AGBL4: variants seen among roughly 807,000 people sequenced by gnomAD.
AGBL4 encodes AGBL carboxypeptidase 4.
In AGBL4, 58 loss-of-function variants were observed where a neutral mutation model predicts 66.4. That is an observed-to-expected ratio of 0.87 (90% CI 0.71 to 1.09). AGBL4 has a LOEUF of 1.09. AGBL4 is among the 50% of genes least tolerant of loss of function. AGBL4 has a pLI of 0.00. For missense variants in AGBL4, 579 were observed against 631.0 expected, an observed-to-expected ratio of 0.92 and a Z score of 0.88; for synonymous variants, 234 against 222.9, an observed-to-expected ratio of 1.05 and a Z score of -0.44.
At chr1:49,548,608 G>C (rs1458494880) in intron 3 of AGBL4, among the ~76,000 whole-genome samples, 1 of 152,152 alleles carries the variant, frequency 6.6e-6, no homozygotes, top group African/African-American at 2.4e-5. Context: ...AACCATGCCT[G>C]AATCCCTGGT....
intron 4 of AGBL4, among the ~76,000 whole-genome samples, chr1:49,139,551 G>A (rs1250250131): frequency 6.6e-6 from 1 of 152,112 alleles, no homozygotes; most frequent in African/African-American, 2.4e-5. Flanking sequence ...CAGTTGTATG[G>A]AGGCCATCCA....
At chr1:49,298,385 GCAGAGTTATTACCGT>G (rs1417630043) in intron 3 of AGBL4, among the ~76,000 whole-genome samples, 2 of 152,190 alleles carry the variant, frequency 1.3e-5, no homozygotes, top group African/African-American at 4.8e-5. Context: ...CCCAGCTACT[GCAGAGTTATTACCGT>G]CATCATCTCT....
chr1:49,115,994 C>T (rs766880860), intron 4 of AGBL4, among the ~76,000 whole-genome samples: 3 of 152,086 alleles, frequency 2.0e-5, no homozygotes, highest in Non-Finnish European at 4.4e-5. Flanking sequence ...TTCTTGGCAA[C>T]TCTGAGTCCA....
intron 3 of AGBL4, among the ~76,000 whole-genome samples, chr1:49,632,291 T>G (rs765858645): frequency 2.6e-5 from 4 of 152,144 alleles, no homozygotes; most frequent in Non-Finnish European, 5.9e-5. Context: ...CCAATTATTA[T>G]GGGAAGGGGG....
At chr1:49,301,462 C>A (rs1644743565) in intron 3 of AGBL4, among the ~76,000 whole-genome samples, 1 of 152,128 alleles carries the variant, frequency 6.6e-6, no homozygotes, top group Non-Finnish European at 1.5e-5. Flanking sequence ...AATTTTAAAG[C>A]AAGTATGCTA....
chr1:49,912,363 G>C (rs1193085619), intron 1 of AGBL4, among the ~76,000 whole-genome samples: 7 of 152,170 alleles, frequency 4.6e-5, no homozygotes, highest in African/African-American at 1.7e-4. Flanking sequence ...GTTACTGTAA[G>C]AAAAAGTATC....
chr1:49,200,575 C>G (rs1002484318), intron 4 of AGBL4, among the ~76,000 whole-genome samples: 36 of 152,174 alleles, frequency 2.4e-4, no homozygotes, highest in African/African-American at 8.2e-4. Flanking sequence ...GGCTATAAAC[C>G]AAGGTTCCTA....
At chr1:49,506,776 A>C (rs1173178041) in intron 3 of AGBL4, among the ~76,000 whole-genome samples, 1 of 152,086 alleles carries the variant, frequency 6.6e-6, no homozygotes, top group East Asian at 1.9e-4. Flanking sequence ...TTGGGGAATC[A>C]AAGTCAATGT....
intron 3 of AGBL4, among the ~76,000 whole-genome samples, chr1:49,653,074 G>A (rs1466716864): frequency 2.6e-5 from 4 of 152,086 alleles, no homozygotes; most frequent in Admixed American, 6.6e-5. Context: ...GCCAGCATCA[G>A]GTCAGTGACC....
chr1:49,704,692 T>C (rs1647170254), intron 2 of AGBL4, among the ~76,000 whole-genome samples: 1 of 152,140 alleles, frequency 6.6e-6, no homozygotes, highest in South Asian at 2.1e-4. Context: ...GGGAATCCTT[T>C]CCCCATTGCT....
chr1:48,782,347 T>G (rs1645316104), intron 6 of AGBL4, among the ~76,000 whole-genome samples: 1 of 152,234 alleles, frequency 6.6e-6, no homozygotes, highest in Non-Finnish European at 1.5e-5. Flanking sequence ...TGGGTTAATG[T>G]CAGGCTCCTT....
chr1:48,797,535 T>C (rs1360935675), intron 6 of AGBL4, among the ~76,000 whole-genome samples: 1 of 152,230 alleles, frequency 6.6e-6, no homozygotes, highest in Non-Finnish European at 1.5e-5. Context: ...TCCAGGTTGC[T>C]GTCAATGCCA....
intron 5 of AGBL4, among the ~76,000 whole-genome samples, chr1:48,973,625 C>T (rs1358788756): frequency 1.3e-5 from 2 of 152,126 alleles, no homozygotes; most frequent in Non-Finnish European, 2.9e-5. Flanking sequence ...CTATAACAGG[C>T]AGCAAACTGG....
intron 4 of AGBL4, among the ~76,000 whole-genome samples, chr1:49,155,518 A>C (rs1646412943): frequency 6.6e-6 from 1 of 152,096 alleles, no homozygotes; most frequent in African/African-American, 2.4e-5. Context: ...GCCTCTTCCA[A>C]GTTTCTTTGA....
At chr1:49,998,960 C>T (rs983747561) in intron 1 of AGBL4, among the ~76,000 whole-genome samples, 8 of 152,098 alleles carry the variant, frequency 5.3e-5, no homozygotes, top group Admixed American at 4.6e-4. Context: ...TCTAAACAAA[C>T]CCACAGATAA....
intron 3 of AGBL4, among the ~76,000 whole-genome samples, chr1:49,578,084 CACA>C (rs1182680518): frequency 6.6e-6 from 1 of 152,110 alleles, no homozygotes; most frequent in Non-Finnish European, 1.5e-5. Context: ...CACCAGGAGG[CACA>C]ACAACAATTC....
At chr1:48,527,679 G>C in the AGBL4 span, among the ~76,000 whole-genome samples, 1 of 151,914 alleles carries the variant, frequency 6.6e-6, no homozygotes, top group South Asian at 2.1e-4. Context: ...CAACTGCTAA[G>C]ACTGGGAGGA....
chr1:49,873,557 C>T (rs929798015), intron 1 of AGBL4, among the ~76,000 whole-genome samples: 7 of 152,102 alleles, frequency 4.6e-5, no homozygotes, highest in African/African-American at 1.7e-4. Context: ...CAGGTAGCTA[C>T]TCTATGTTCA....
intron 1 of AGBL4, among the ~76,000 whole-genome samples, chr1:49,891,637 AC>A (rs1648658621): frequency 6.6e-6 from 1 of 152,212 alleles, no homozygotes; most frequent in Non-Finnish European, 1.5e-5. Flanking sequence ...AGTAAAAATT[AC>A]GTTGGTGAAG....
Sources: gnomAD v4.1 joint callset for allele counts (sites outside exome capture counted in the v4.1 genomes callset) on GRCh38, gnomAD v4.1.1 for gene constraint, MANE v1.5 for transcripts, NCBI Gene and HGNC (gene_info 2026-07-23, HGNC 2026-07-21) for gene names.